Variants in SAMD5 observed in about 807,000 individuals in gnomAD.
The protein encoded by SAMD5 is sterile alpha motif domain containing 5.
In SAMD5, 13 loss-of-function variants were observed where a neutral mutation model predicts 11.3. The ratio of observed to expected loss-of-function variants is 1.15; its 90% CI spans 0.75 to 1.83. The LOEUF (loss-of-function observed/expected upper bound fraction) is 1.83. Among genes scored for constraint, SAMD5 ranks in the 40% most tolerant of loss-of-function variants. The pLI is 0.00. For synonymous variants in SAMD5, 129 were observed against 111.3 expected (o/e 1.16, Z -1.00); for missense variants, 255 against 239.1 (o/e 1.07, Z -0.44).
At chr6:147,846,979 C>G in the SAMD5 span, among the ~76,000 whole-genome samples, 1 of 152,168 alleles carries the variant, frequency 6.6e-6, no homozygotes, top group Non-Finnish European at 1.5e-5. Context: ...TGAACTCTTA[C>G]AAATCATGAA....
chr6:147,621,151 G>A (rs1236924152), intron 1 of SAMD5, among the ~76,000 whole-genome samples: 5 of 152,194 alleles, frequency 3.3e-5, no homozygotes, highest in Non-Finnish European at 7.3e-5. Flanking sequence ...GATGTAATCA[G>A]AGCCAAGCTT....
At chr6:147,730,976 A>G (rs180976516) in intron 1 of SAMD5, among the ~76,000 whole-genome samples, 9 of 152,348 alleles carry the variant, frequency 5.9e-5, no homozygotes, top group Admixed American at 1.3e-4. Flanking sequence ...TTAGAGGAAT[A>G]GTAACCATGA....
intron 1 of SAMD5, among the ~76,000 whole-genome samples, chr6:147,533,525 A>G (rs897281716): frequency 2.0e-5 from 3 of 151,954 alleles, no homozygotes; most frequent in Non-Finnish European, 4.4e-5. Flanking sequence ...TGACATCAGG[A>G]AGGTAGAGGA....
At chr6:147,880,992 T>C in the SAMD5 span, among the ~76,000 whole-genome samples, 293 of 152,284 alleles carry the variant, frequency 1.9e-3, no homozygotes, top group African/African-American at 6.6e-3. Context: ...AGATTCATTC[T>C]TCCTTTTTAA....
At chr6:147,830,547 C>T in the SAMD5 span, among the ~76,000 whole-genome samples, 5 of 152,080 alleles carry the variant, frequency 3.3e-5, no homozygotes, top group Non-Finnish European at 5.9e-5. Context: ...TGAGCCACCG[C>T]GCCCGGCCCC....
At chr6:147,575,943 A>T (rs1223957570) in intron 1 of SAMD5, among the ~76,000 whole-genome samples, 1 of 152,028 alleles carries the variant, frequency 6.6e-6, no homozygotes, top group Non-Finnish European at 1.5e-5. Flanking sequence ...TATTATTTTA[A>T]TTTTTAATAA....
chr6:147,573,462 C>A (rs1434561780), downstream of SAMD5, among the ~76,000 whole-genome samples: 1 of 152,158 alleles, frequency 6.6e-6, no homozygotes, highest in African/African-American at 2.4e-5. Context: ...AGGGAAACCG[C>A]CTCCATGATC....
chr6:147,946,765 G>GC, the SAMD5 span, among the ~76,000 whole-genome samples: 2 of 152,078 alleles, frequency 1.3e-5, no homozygotes, highest in Non-Finnish European at 2.9e-5. Context: ...TAACTAATTA[G>GC]CAACTGAAAT....
At chr6:147,524,365 G>A (rs1788302976) in intron 1 of SAMD5, among the ~76,000 whole-genome samples, 1 of 151,406 alleles carries the variant, frequency 6.6e-6, no homozygotes, top group Admixed American at 6.6e-5. Flanking sequence ...AGTAACAGTG[G>A]TTTGGGGGGA....
intron 1 of SAMD5, among the ~76,000 whole-genome samples, chr6:147,530,453 A>G (rs1302102090): frequency 6.6e-6 from 1 of 152,194 alleles, no homozygotes. Flanking sequence ...CTCATTTCCT[A>G]TATGCTGAGG....
chr6:147,690,888 A>G lies in SAMD5; in HGVS notation c.163-46429A>G, dbSNP rs76988027. The stretch of plus-strand genomic sequence containing the variant: ...AATAATAATTTAAAAACACCCATAC[A>G]GGGTTTAACCCAGAATAAGTGCGAT... On this transcript the variant is annotated intron_variant, in intron 1 of 1. Transcript: ENST00000566741. 3.5e-3 allele frequency among the ~76,000 whole-genome samples: 533 copies of G among 151,648 alleles called. 9 individuals are homozygous for G. In the East Asian group the frequency reaches 0.047, roughly 13 times the overall value.
downstream of SAMD5, among the ~76,000 whole-genome samples, chr6:147,574,212 A>T (rs1173405761): frequency 1.3e-5 from 2 of 152,226 alleles, no homozygotes; most frequent in East Asian, 1.9e-4. Context: ...ACTAAAAAAA[A>T]AATTAATATG....
chr6:147,568,076 G>A lies in SAMD5; in HGVS notation c.*3620G>A, dbSNP rs1789071874. On this transcript the variant is annotated 3_prime_UTR_variant, in exon 2 of 2. Transcript: ENST00000367474. ...ATTGATGAATTTGAGGTACAAATGAGTGAGTGACATATGTATATTTTCCTC... is the reference window on the plus strand; with the variant it reads ...ATTGATGAATTTGAGGTACAAATGAATGAGTGACATATGTATATTTTCCTC... 3 of 985,096 alleles carry A rather than the reference G, an allele frequency of 3.0e-6. No individual in the cohort carries two copies. Among genetic ancestry groups the A allele is most frequent in the Non-Finnish European group, 2.4e-6 (2 of 829,674 alleles). The allele number at this position is 985,096 out of a possible 1,614,324, so 61.0% of individuals were successfully genotyped here. A position where few individuals can be genotyped will look rare whatever the true frequency, so the allele number is the denominator to read the frequency against.
the SAMD5 span, among the ~76,000 whole-genome samples, chr6:147,913,814 T>C: frequency 6.6e-6 from 1 of 152,244 alleles, no homozygotes; most frequent in Admixed American, 6.5e-5. Flanking sequence ...TGCACATACA[T>C]GCATGTGTAT....
At chr6:147,693,132 G>A (rs1791126684) in intron 1 of SAMD5, among the ~76,000 whole-genome samples, 1 of 152,192 alleles carries the variant, frequency 6.6e-6, no homozygotes, top group African/African-American at 2.4e-5. Context: ...TTTCAATTCT[G>A]CCCCTATGAG....
At chr6:147,743,392 A>G in the SAMD5 span, 108 of 152,290 alleles carry the variant, frequency 7.1e-4, no homozygotes, top group African/African-American at 2.5e-3. Context: ...AGTCCCAGCT[A>G]CTCAGGGAGC....
At chr6:147,598,151 G>A (rs527896596) in intron 1 of SAMD5, among the ~76,000 whole-genome samples, 12 of 151,466 alleles carry the variant, frequency 7.9e-5, no homozygotes, top group Admixed American at 6.6e-5. Context: ...TTGAGGCAAG[G>A]TCTGGCTCTG....
At chr6:147,834,215 G>T in the SAMD5 span, among the ~76,000 whole-genome samples, 1 of 152,086 alleles carries the variant, frequency 6.6e-6, no homozygotes, top group Admixed American at 6.5e-5. Context: ...ATAAATAGGG[G>T]TTTCATCTCA....
At chr6:147,891,886 C>A in the SAMD5 span, among the ~76,000 whole-genome samples, 4 of 152,102 alleles carry the variant, frequency 2.6e-5, no homozygotes, top group African/African-American at 7.2e-5. Context: ...GCTGAGTTTC[C>A]GTAAGGTCCT....
Sources: gnomAD v4.1 joint callset for allele counts (sites outside exome capture counted in the v4.1 genomes callset) on GRCh38, gnomAD v4.1.1 for gene constraint, MANE v1.5 for transcripts, NCBI Gene and HGNC (gene_info 2026-07-23, HGNC 2026-07-21) for gene names.